Variants in POFUT2 observed in about 807,000 individuals in gnomAD.
The protein encoded by POFUT2 is protein O-fucosyltransferase 2.
A neutral mutation model predicts 55.0 loss-of-function variants in POFUT2; 30 were observed. That is an observed-to-expected ratio of 0.55 (90% confidence interval 0.41 to 0.74). The LOEUF (loss-of-function observed/expected upper bound fraction) is 0.74, where lower values mean the gene tolerates loss of function less well. Ranked by LOEUF, POFUT2 falls within the 30% of genes least tolerant of loss-of-function variation. The pLI, the probability that POFUT2 is intolerant of heterozygous loss-of-function variation, is 0.00. For missense variants in POFUT2, 524 were observed against 562.6 expected (o/e 0.93, Z 0.69); for synonymous variants, 267 against 231.1 (o/e 1.16, Z -1.41).
chr21:45,282,872 C>G lies in POFUT2; in HGVS notation c.528-413G>C, dbSNP rs1569232228. 1 of 477,802 alleles carries G rather than the reference C, an allele frequency of 2.1e-6. No homozygotes were observed. Among genetic ancestry groups the G allele is most frequent in the Non-Finnish European group, 4.3e-6 (1 of 231,928 alleles). The allele number at this position is 477,802 out of a possible 1,614,324, so 29.6% of individuals were successfully genotyped here. On this transcript the variant is annotated intron_variant, in intron 3 of 8. Coordinates refer to ENST00000349485, the MANE Select transcript of POFUT2 (RefSeq NM_133635.6). This position sits in a 1 kb window ranked among gnomAD's most constrained non-coding sequence, Gnocchi z 4.6. ...AGGCTGTTAACTGACAGCTTTTCCACAGGAGGCCTGGTAGTGTCAGAGCCT... is the reference window on the plus strand; with the variant it reads ...AGGCTGTTAACTGACAGCTTTTCCAGAGGAGGCCTGGTAGTGTCAGAGCCT...
chr21:45,268,116 G>A (rs1008869370), intron 7 of POFUT2, among the ~76,000 whole-genome samples: 1 of 151,824 alleles, frequency 6.6e-6, no homozygotes, highest in Non-Finnish European at 1.5e-5. Context: ...GCCTCAGCCT[G>A]CCGAGTGCCT....
At position 45,267,817 on chromosome 21, in the gene POFUT2, G is replaced by A. The variant is rs2093170828; in HGVS notation, c.1013-104C>T. On this transcript the variant is annotated intron_variant, in intron 7 of 8. Transcript: ENST00000349485. This position sits in a 1 kb window ranked among gnomAD's most constrained non-coding sequence, Gnocchi z 4.4. ...TGCGTACTTGGCTTCTGGTTAATTC[G>A]TTAGGAACTGGCTCCAAAGGTGCAG... is the stretch of plus-strand genomic sequence containing the variant. 2.5e-5 allele frequency: 25 copies of A among 990,142 alleles called. No homozygotes were observed. Among genetic ancestry groups the A allele is most frequent in the Non-Finnish European group, 3.7e-5 (24 of 646,544 alleles). The allele number at this position is 990,142 out of a possible 1,614,324, so 61.3% of individuals were successfully genotyped here.
intron 3 of POFUT2, 60 bp downstream of exon 3, chr21:45,283,323 G>GTCC: frequency 1.7e-6 from 1 of 585,722 alleles, no homozygotes; most frequent in Non-Finnish European, 2.5e-6. Context: ...GGGGGGGGAC[G>GTCC]CATGCGGCAG....
rs541115327 is a variant in POFUT2 at position 45,268,711 on chromosome 21, C to T, written c.1013-998G>A. 1.2e-3 allele frequency among the ~76,000 whole-genome samples: 173 copies of T among 141,990 alleles called. 1 individual carries two copies. Among genetic ancestry groups the T allele is most frequent in the African/African-American group, 3.9e-3 (148 of 38,286 alleles). The allele number at this position is 141,990 out of a possible 152,430, so 93.2% of individuals were successfully genotyped here. On this transcript the variant is annotated intron_variant, in intron 7 of 8. Transcript: ENST00000349485. ...GAGGTGAGGAGCGTCTCTGCCCGGC[C>T]GCCCCGTCTGAGAAGTGAGGAGCCT...
rs765195295 is a variant in POFUT2 at position 45,282,767 on chromosome 21, G to A, written c.528-308C>T. The A allele has an allele frequency of 5.2e-5, 27 of 520,264 alleles. No individual in the cohort carries two copies. The highest frequency in any genetic ancestry group is 7.7e-5 in the South Asian group (5 of 64,598). The allele number at this position is 520,264 out of a possible 1,614,324, so 32.2% of individuals were successfully genotyped here. A position where few individuals can be genotyped will look rare whatever the true frequency, so the allele number is the denominator to read the frequency against. ...CTTCAGGGCCAGCCTGGCTGTGACC[G>A]TCAGCCAAGTCAACCGCGCCCTTCC... On this transcript the variant is annotated intron_variant, in intron 3 of 8. Coordinates refer to ENST00000349485, the MANE Select transcript of POFUT2 (RefSeq NM_133635.6). This position sits in a 1 kb window ranked among gnomAD's most constrained non-coding sequence, Gnocchi z 4.6.
At position 45,278,975 on chromosome 21, in the gene POFUT2, C is replaced by G. The variant is rs529139618; in HGVS notation, c.639-806G>C. ...GAGCCAACCGTCTCACCAAACTCCC[C>G]CCAGGGCTCTTGATGCAAAATAAAA... is the stretch of plus-strand genomic sequence containing the variant. On this transcript the variant is annotated intron_variant, in intron 4 of 8. Transcript: ENST00000349485. Among the ~76,000 whole-genome samples the G allele has an allele frequency of 6.6e-5, 10 of 152,308 alleles. No individual in the cohort carries two copies. In the South Asian group the frequency reaches 1.7e-3, roughly 25 times the overall value.
At chr21:45,274,170 A>C (rs1384118105) in intron 6 of POFUT2, among the ~76,000 whole-genome samples, 1 of 152,216 alleles carries the variant, frequency 6.6e-6, no homozygotes, top group Non-Finnish European at 1.5e-5. Flanking sequence ...ACACACCAAC[A>C]ACAACCAAGC....
In POFUT2 at chr21:45,265,331, G is replaced by T. The variant is rs1012994828; in HGVS notation, c.*151C>A. The stretch of plus-strand genomic sequence containing the variant: ...ACGCCGAGGACGGAGCCCAGCTCTA[G>T]AGGCGTGGGGCCTCTTCTGGGCCTG... On this transcript the variant is annotated 3_prime_UTR_variant, in exon 9 of 9. Coordinates refer to ENST00000349485, the MANE Select transcript of POFUT2 (RefSeq NM_133635.6). This position sits in a 1 kb window ranked among gnomAD's most constrained non-coding sequence, Gnocchi z 4.6. 5 of 603,244 alleles carry T rather than the reference G, an allele frequency of 8.3e-6. No homozygotes were observed. Among genetic ancestry groups the T allele is most frequent in the Non-Finnish European group, 1.4e-5 (5 of 361,824 alleles). The allele number at this position is 603,244 out of a possible 1,614,324, so 37.4% of individuals were successfully genotyped here.
At chr21:45,268,872 CA>C (rs1312935584) in intron 7 of POFUT2, among the ~76,000 whole-genome samples, 1 of 101,512 alleles carries the variant, frequency 9.9e-6, no homozygotes, top group South Asian at 4.2e-4. Context: ...GGGGGGTCAG[CA>C]CCCCGGGCGG....
In POFUT2 at chr21:45,267,708, C is replaced by T. The variant is rs757622022; in HGVS notation, c.1018G>A (p.Glu340Lys). 6.2e-7 allele frequency: 1 copy of T among 1,613,976 alleles called. No individual in the cohort carries two copies. Among genetic ancestry groups the T allele is most frequent in the East Asian group, 2.2e-5 (1 of 44,874 alleles). The change falls in exon 8 of 9, where the codon GAA (glutamate) becomes AAA (lysine). Residue 340 changes from glutamate (E) to lysine (K), a missense_variant. Physicochemically the swap from Glu to Lys is moderately conservative, Grantham distance 56. Coordinates refer to ENST00000349485, the MANE Select transcript of POFUT2 (RefSeq NM_133635.6). The surrounding 1 kb of genome is among the most constrained non-coding windows in gnomAD (Gnocchi z 4.4). ...VATDAVRKEYEELKKLLPEMV... is the reference protein window; with the variant it reads ...VATDAVRKEYKELKKLLPEMV... The stretch of plus-strand genomic sequence containing the variant: ...TCGGGTAACAGCTTTTTTAGCTCTT[C>T]ATATTCTGCAAAGTAGAAGGAGAGA...
At chr21:45,278,245 T>G in intron 4 of POFUT2, 76 bp from the exon 5 acceptor site, 1 of 1,269,530 alleles carries the variant, frequency 7.9e-7, no homozygotes, top group Non-Finnish European at 1.2e-6. Context: ...GAGCACAAAC[T>G]GGGAGAACCC....
At chr21:45,268,627 G>A (rs2093181321) in intron 7 of POFUT2, among the ~76,000 whole-genome samples, 2 of 149,852 alleles carry the variant, frequency 1.3e-5, no homozygotes, top group East Asian at 2.0e-4. Flanking sequence ...GAGCGCCTCT[G>A]CCCCGCCGCC....
In POFUT2 at chr21:45,281,892, G is replaced by T. The variant is rs190691564; in HGVS notation, c.638+457C>A. 2.6e-5 allele frequency among the ~76,000 whole-genome samples: 4 copies of T among 152,066 alleles called. No homozygotes were observed. The highest frequency in any genetic ancestry group is 9.7e-5 in the African/African-American group (4 of 41,408). On this transcript the variant is annotated intron_variant, in intron 4 of 8. Coordinates refer to ENST00000349485, the MANE Select transcript of POFUT2 (RefSeq NM_133635.6). The surrounding 1 kb of genome is among the most constrained non-coding windows in gnomAD (Gnocchi z 5.0). ...CCCTCGAGGCCCAGCTCACCAGGCC[G>T]GCGACCACTTGAGGCAGACGCATGG...
intron 2 of POFUT2, 85 bp from the exon 3 acceptor site, chr21:45,283,612 C>T (rs2031031640): frequency 1.4e-6 from 2 of 1,381,956 alleles, no homozygotes; most frequent in Non-Finnish European, 2.0e-6. Context: ...GCAGCTGACT[C>T]TTACTACTGT....
At position 45,285,759 on chromosome 21, in the gene POFUT2, G is replaced by A. The variant is rs774373739; in HGVS notation, c.301C>T (p.Arg101Trp). The change falls in exon 2 of 9, where the codon CGG becomes TGG. Residue 101 changes from arginine to tryptophan, a missense_variant. By Grantham distance (101) the Arg-to-Trp change is moderately radical. Transcript: ENST00000349485. The surrounding 1 kb of genome is among the most constrained non-coding windows in gnomAD (Gnocchi z 4.9). ...TCAAAAAACTCAGACCAGGGAATCC[G>A]GACCTGGTGGATGTCAGGACTCTGC... ...HWQSPDIHQV[R>W]IPWSEFFDLP... 40 of 1,613,324 alleles carry A rather than the reference G, an allele frequency of 2.5e-5. No homozygotes were observed. Among genetic ancestry groups the A allele is most frequent in the East Asian group, 4.5e-5 (2 of 44,898 alleles).
At position 45,266,528 on chromosome 21, in the gene POFUT2, G is replaced by A. The variant is rs905894056; in HGVS notation, c.1137-893C>T. ...CTTCCTGGGCTGCGGAGACAGCACC[G>A]CCAAGGTCGCAGTCAAAATCCCAAG... On this transcript the variant is annotated intron_variant, in intron 8 of 8. Coordinates refer to ENST00000349485, the MANE Select transcript of POFUT2 (RefSeq NM_133635.6). 1.9e-5 allele frequency: 20 copies of A among 1,078,654 alleles called. No individual in the cohort carries two copies. In the African/African-American group the frequency reaches 2.2e-4, roughly 12 times the overall value. The allele number at this position is 1,078,654 out of a possible 1,614,324, so 66.8% of individuals were successfully genotyped here.
intron 1 of POFUT2, among the ~76,000 whole-genome samples, chr21:45,286,890 G>A (rs2031474478): frequency 6.6e-6 from 1 of 152,194 alleles, no homozygotes; most frequent in Non-Finnish European, 1.5e-5. Flanking sequence ...ACAGCCACAG[G>A]GCGGCCGCGA....
intron 6 of POFUT2, among the ~76,000 whole-genome samples, chr21:45,274,665 C>T (rs995183843): frequency 3.9e-5 from 6 of 152,336 alleles, no homozygotes; most frequent in Admixed American, 3.3e-4. Flanking sequence ...CAAATACTTA[C>T]AGCCAACTGA....
At chr21:45,279,374 A>G (rs929908545) in intron 4 of POFUT2, among the ~76,000 whole-genome samples, 9 of 152,216 alleles carry the variant, frequency 5.9e-5, no homozygotes, top group South Asian at 2.1e-4. Flanking sequence ...CAGCCTGGGC[A>G]ACAGAGCAAG....
Sources: allele counts gnomAD v4.1 joint callset (sites outside exome capture counted in the v4.1 genomes callset), GRCh38; gene constraint gnomAD v4.1.1; non-coding constraint Gnocchi (gnomAD v3.1); transcripts MANE v1.5; gene names NCBI Gene and HGNC (gene_info 2026-07-23, HGNC 2026-07-21).